INKA2: variants seen among roughly 807,000 people sequenced by gnomAD.
INKA2 encodes the protein inka box actin regulator 2, also known as PAK4-inhibitor INKA2.
In INKA2, 3 loss-of-function variants were observed where a neutral mutation model predicts 9.8. The observed-to-expected ratio is 0.31, with a 90% confidence interval of 0.14 to 0.79. INKA2 has a LOEUF of 0.79. Ranked by LOEUF, INKA2 falls within the 30% of genes least tolerant of loss-of-function variation. The probability of loss-of-function intolerance (pLI) is 0.62; values close to 1 mark genes in which losing one functional copy is unlikely to be tolerated. For missense variants in INKA2, 392 were observed against 384.4 expected, an observed-to-expected ratio of 1.02 and a Z score of -0.17; for synonymous variants, 147 against 143.3, an observed-to-expected ratio of 1.03 and a Z score of -0.18.
At chr1:111,738,654 C>T (rs1663060481) in intron 1 of INKA2, among the ~76,000 whole-genome samples, 1 of 152,156 alleles carries the variant, frequency 6.6e-6, no homozygotes, top group Admixed American at 6.5e-5. Context: ...CTCTGCCAAG[C>T]CCGGCAGAGC....
At chr1:111,740,871 C>A (rs994726067), upstream of INKA2, among the ~76,000 whole-genome samples, 2 of 151,104 alleles carry the variant, frequency 1.3e-5, no homozygotes, top group African/African-American at 4.9e-5. Flanking sequence ...ACTCCGGAGG[C>A]TGAGGAAGGA....
At chr1:111,742,737 T>C (rs1663174962), upstream of INKA2, among the ~76,000 whole-genome samples, 1 of 152,262 alleles carries the variant, frequency 6.6e-6, no homozygotes, top group African/African-American at 2.4e-5. Context: ...AACAAATTGA[T>C]AATCATAATA....
rs542576622 is a variant in INKA2 at position 111,728,432 on chromosome 1, C to T, written c.58-628G>A. Among the ~76,000 whole-genome samples, 21 of 152,256 alleles carry T rather than the reference C, an allele frequency of 1.4e-4. No individual in the cohort carries two copies. In the South Asian group the frequency reaches 3.5e-3, roughly 26 times the overall value. On this transcript the variant is annotated intron_variant, in intron 1 of 1. Coordinates refer to ENST00000357260, the MANE Select transcript of INKA2 (RefSeq NM_019099.5). ...GGAAGGGGTGAAGTAACTTACGTAACGTCACACAGGTCATAGAGCTGGGAC... is the reference window on the plus strand; with the variant it reads ...GGAAGGGGTGAAGTAACTTACGTAATGTCACACAGGTCATAGAGCTGGGAC...
chr1:111,726,041 G>A lies in INKA2; in HGVS notation c.*927C>T, dbSNP rs558530614. Reference sequence around the variant, plus strand: ...CGTGAGCCACAGCGCCCAGCCTGCGGGGTGCTAAGAACTGTTGGGGAGGAG... The same window carrying A: ...CGTGAGCCACAGCGCCCAGCCTGCGAGGTGCTAAGAACTGTTGGGGAGGAG... On this transcript the variant is annotated 3_prime_UTR_variant, in exon 2 of 2. Transcript: ENST00000357260. The A allele has an allele frequency of 1.3e-5, 5 of 398,700 alleles. No individual in the cohort carries two copies. The East Asian group carries it at 1.8e-4, about 14-fold the overall frequency. The allele number at this position is 398,700 out of a possible 1,614,324, so 24.7% of individuals were successfully genotyped here.
chr1:111,754,456 T>C (rs1663482618), intron 1 of INKA2: 2 of 152,224 alleles, frequency 1.3e-5, no homozygotes, highest in South Asian at 4.1e-4. Context: ...ATGACCAGCA[T>C]TATAATCTAT....
At chr1:111,737,286 AGT>A (rs1490036149) in intron 1 of INKA2, among the ~76,000 whole-genome samples, 1 of 152,222 alleles carries the variant, frequency 6.6e-6, no homozygotes, top group East Asian at 1.9e-4. Flanking sequence ...AGCTCAGCTC[AGT>A]GCAGATTCCT....
At chr1:111,732,123 T>C (rs1322139763) in intron 1 of INKA2, among the ~76,000 whole-genome samples, 1 of 152,176 alleles carries the variant, frequency 6.6e-6, no homozygotes, top group Non-Finnish European at 1.5e-5. Flanking sequence ...CGTTAGCTGG[T>C]TCTTGACTAA....
chr1:111,729,991 A>C (rs1432125558), intron 1 of INKA2, among the ~76,000 whole-genome samples: 1 of 152,242 alleles, frequency 6.6e-6, no homozygotes, highest in Non-Finnish European at 1.5e-5. Flanking sequence ...GCAAGAAGAA[A>C]TGGTGGTTCC....
chr1:111,726,207 G>T lies in INKA2; in HGVS notation c.*761C>A. 1 of 395,290 alleles carries T rather than the reference G, an allele frequency of 2.5e-6. No individual in the cohort carries two copies. Among genetic ancestry groups the T allele is most frequent in the Non-Finnish European group, 4.5e-6 (1 of 224,034 alleles). The allele number at this position is 395,290 out of a possible 1,614,324, so 24.5% of individuals were successfully genotyped here. On this transcript the variant is annotated 3_prime_UTR_variant, in exon 2 of 2. Transcript: ENST00000357260. The stretch of plus-strand genomic sequence containing the variant: ...AAATGGGATCATGCCTGCCTGCCTC[G>T]CTCACTTTCAAATGAGACCATGGAG...
At chr1:111,755,178 G>GGATGCATGGAGGCA (rs1439308476) in intron 1 of INKA2, 69 of 157,526 alleles carry the variant, frequency 4.4e-4, no homozygotes, top group Non-Finnish European at 6.6e-4. Context: ...GCATGGAGGC[G>GGATGCATGGAGGCA]GATGCATGGA....
chr1:111,743,720 C>G (rs1379883168), upstream of INKA2, among the ~76,000 whole-genome samples: 1 of 152,174 alleles, frequency 6.6e-6, no homozygotes, highest in Non-Finnish European at 1.5e-5. Flanking sequence ...ACAGCACATC[C>G]TGGTGCAAGG....
intron 1 of INKA2, chr1:111,745,293 A>ATATATATATATATATT (rs1358304932): frequency 1.4e-4 from 7 of 49,258 alleles, no homozygotes; most frequent in Non-Finnish European, 1.8e-4. Context: ...ATATATATAT[A>ATATATATATATATATT]TTTTTTTTTT....
At chr1:111,736,454 A>T (rs1199890207) in intron 1 of INKA2, among the ~76,000 whole-genome samples, 1 of 152,240 alleles carries the variant, frequency 6.6e-6, no homozygotes, top group African/African-American at 2.4e-5. Flanking sequence ...CAGGGGTAGG[A>T]TGCAGGAGGG....
At position 111,725,878 on chromosome 1, in the gene INKA2, G is replaced by A. The variant is rs182173353; in HGVS notation, c.*1090C>T. On this transcript the variant is annotated 3_prime_UTR_variant, in exon 2 of 2. Coordinates refer to ENST00000357260, the MANE Select transcript of INKA2 (RefSeq NM_019099.5). ...CTCCCAAGTAGCTGGGTTTACAGGC[G>A]TGTGCCACCACGCCTGGCTAATTTT... 1.3e-4 allele frequency: 43 copies of A among 336,160 alleles called. No individual in the cohort carries two copies. Among genetic ancestry groups the A allele is most frequent in the African/African-American group, 2.1e-4 (10 of 46,834 alleles). The allele number at this position is 336,160 out of a possible 1,614,324, so 20.8% of individuals were successfully genotyped here.
chr1:111,727,982 T>A (rs146061333), intron 1 of INKA2, among the ~76,000 whole-genome samples, 178 bp from the exon 2 acceptor site: 210 of 149,122 alleles, frequency 1.4e-3, no homozygotes, highest in Middle Eastern at 6.9e-3. Context: ...AAGGAAATAA[T>A]AATGGTAGCT....
intron 1 of INKA2, among the ~76,000 whole-genome samples, chr1:111,728,070 C>CACACAT (rs1184555425): frequency 4.5e-4 from 67 of 148,278 alleles, no homozygotes; most frequent in South Asian, 3.6e-3. Flanking sequence ...CACACACACA[C>CACACAT]ACAGACATTT....
chr1:111,732,304 C>T (rs1041189919), intron 1 of INKA2, among the ~76,000 whole-genome samples: 1 of 152,048 alleles, frequency 6.6e-6, no homozygotes, highest in Non-Finnish European at 1.5e-5. Context: ...GAAAAGGGGG[C>T]AGTAAGGGAG....
At position 111,746,326 on chromosome 1, in the gene INKA2, G is replaced by A. The variant is rs139876865; in HGVS notation, n.124+9375C>T. 7.2e-5 allele frequency: 11 copies of A among 152,340 alleles called. No homozygotes were observed. The East Asian group carries it at 1.5e-3, about 21-fold the overall frequency. The allele number at this position is 152,340 out of a possible 1,614,324, so 9.4% of individuals were successfully genotyped here. ...AGCGAGGCCAAGAAATGCTGCCGCC[G>A]CTTAACAAGTGAAGATGCATACTGG... On this transcript the variant is annotated intron_variant and non_coding_transcript_variant, in intron 1 of 1. Transcript: ENST00000444059.
chr1:111,741,489 T>G (rs1160705865), upstream of INKA2, among the ~76,000 whole-genome samples: 1 of 152,164 alleles, frequency 6.6e-6, no homozygotes. Context: ...GACACAGCTG[T>G]GGTTTCCAGT....
Sources: allele counts gnomAD v4.1 joint callset (sites outside exome capture counted in the v4.1 genomes callset), GRCh38; gene constraint gnomAD v4.1.1; transcripts MANE v1.5; gene names NCBI Gene and HGNC (gene_info 2026-07-23, HGNC 2026-07-21).